Variants in FMN2 observed in about 807,000 individuals in gnomAD.
FMN2 encodes formin-2.
A neutral mutation model predicts 142.3 loss-of-function variants in FMN2; 51 were observed. The ratio of observed to expected loss-of-function variants is 0.36; its 90% CI spans 0.29 to 0.45. The LOEUF (loss-of-function observed/expected upper bound fraction) is 0.45, where lower values mean the gene tolerates loss of function less well. Among genes scored for constraint, FMN2 ranks in the 20% least tolerant of loss-of-function variants. The probability of loss-of-function intolerance (pLI) is 1.00; values close to 1 mark genes in which losing one functional copy is unlikely to be tolerated. For missense variants in FMN2, 1,936 were observed against 2,122.8 expected (o/e 0.91, Z 1.73); for synonymous variants, 882 against 869.8 (o/e 1.01, Z -0.25).
At position 240,195,857 on chromosome 1, in the gene FMN2, A is replaced by G. The variant is rs561838085; in HGVS notation, c.1986+7595A>G. Reference sequence around the variant, plus strand: ...ACATAGGGAGACCCTGTCTCTACCAATAATAATAAAAAAAACAGCTGGCCA... The same window carrying G: ...ACATAGGGAGACCCTGTCTCTACCAGTAATAATAAAAAAAACAGCTGGCCA... On this transcript the variant is annotated intron_variant, in intron 4 of 17. Coordinates refer to ENST00000319653, the MANE Select transcript of FMN2 (RefSeq NM_020066.5). Among the ~76,000 whole-genome samples, 8 of 152,184 alleles carry G rather than the reference A, an allele frequency of 5.3e-5. No individual in the cohort carries two copies. In the South Asian group the frequency reaches 1.7e-3, roughly 32 times the overall value.
intron 6 of FMN2, among the ~76,000 whole-genome samples, chr1:240,239,332 AAAAATGCT>A (rs1254712763): frequency 2.6e-5 from 4 of 151,702 alleles, no homozygotes; most frequent in Non-Finnish European, 5.9e-5. Context: ...TAAAGAAAGG[AAAAATGCT>A]AAATATATGA....
intron 7 of FMN2, among the ~76,000 whole-genome samples, chr1:240,292,206 C>T (rs55927710): frequency 0.14 from 21,598 of 152,094 alleles, 1,696 homozygotes; most frequent in African/African-American, 0.21. Context: ...TCCTCCGAAA[C>T]AAGGCTGAAA....
chr1:240,375,120 C>G (rs542808430), intron 14 of FMN2, among the ~76,000 whole-genome samples: 7 of 152,100 alleles, frequency 4.6e-5, no homozygotes, highest in Non-Finnish European at 8.8e-5. Context: ...AGAACACGAA[C>G]AGTATTTATT....
At chr1:240,135,520 G>A (rs1023989542) in intron 2 of FMN2, among the ~76,000 whole-genome samples, 1 of 151,978 alleles carries the variant, frequency 6.6e-6, no homozygotes, top group Non-Finnish European at 1.5e-5. Flanking sequence ...CCTCGTATGG[G>A]GAACTTTTCT....
At chr1:240,135,521 G>T (rs1662900346) in intron 2 of FMN2, among the ~76,000 whole-genome samples, 1 of 152,092 alleles carries the variant, frequency 6.6e-6, no homozygotes, top group South Asian at 2.1e-4. Flanking sequence ...CTCGTATGGG[G>T]AACTTTTCTT....
Position 240,093,033 on chromosome 1 carries a change from G to A in FMN2, c.924G>A (p.Pro308=). Residue 308 remains proline (P), a synonymous_variant, in exon 1 of 18, where the codon CCG becomes CCA. Transcript: ENST00000319653. ...CGGTCTCCGAGGCGCCCAGTCTCCC[G>A]GCAGCGCAACCCGCGGCCAAAGACT... ...GLPVSEAPSL[P]AAQPAAKDSP... The A allele has an allele frequency of 7.2e-7, 1 of 1,394,606 alleles. No homozygotes were observed. The highest frequency in any genetic ancestry group is 9.2e-7 in the Non-Finnish European group (1 of 1,082,848). The allele number at this position is 1,394,606 out of a possible 1,614,324, so 86.4% of individuals were successfully genotyped here.
Position 240,166,896 on chromosome 1 carries a change from C to T in FMN2, c.1783-11025C>T, listed in dbSNP as rs539783508. ...CAGAACTTTGGGAGGCCGAGGCAGG[C>T]GGATAACCTGAGGTCAGGAGTTCAA... On this transcript the variant is annotated intron_variant, in intron 2 of 17. Coordinates refer to ENST00000319653, the MANE Select transcript of FMN2 (RefSeq NM_020066.5). Among the ~76,000 whole-genome samples the T allele has an allele frequency of 9.2e-5, 14 of 152,180 alleles. No individual in the cohort carries two copies. The South Asian group carries it at 1.5e-3, about 16-fold the overall frequency.
chr1:240,267,738 A>C (rs1266297142), intron 7 of FMN2, among the ~76,000 whole-genome samples: 1 of 152,088 alleles, frequency 6.6e-6, no homozygotes, highest in East Asian at 1.9e-4. Context: ...TTCATATGGC[A>C]TATTTCTGGT....
At chr1:240,197,758 A>G (rs1300798774) in intron 4 of FMN2, among the ~76,000 whole-genome samples, 1 of 143,542 alleles carries the variant, frequency 7.0e-6, no homozygotes, top group Non-Finnish European at 1.5e-5. Flanking sequence ...GAACCTGGGT[A>G]CCTCCCAGGT....
At chr1:240,245,792 C>G (rs1270363121) in intron 6 of FMN2, among the ~76,000 whole-genome samples, 1 of 152,114 alleles carries the variant, frequency 6.6e-6, no homozygotes, top group Non-Finnish European at 1.5e-5. Context: ...GATTCATTCC[C>G]CAGGCCTTCT....
intron 14 of FMN2, among the ~76,000 whole-genome samples, chr1:240,369,736 T>A (rs1018832004): frequency 7.9e-5 from 12 of 152,224 alleles, no homozygotes; most frequent in Non-Finnish European, 2.9e-5. Context: ...TTTTGCTTCT[T>A]TGTTTCTAAT....
intron 6 of FMN2, among the ~76,000 whole-genome samples, chr1:240,256,923 A>G (rs892534712): frequency 3.9e-5 from 6 of 152,196 alleles, no homozygotes; most frequent in East Asian, 3.8e-4. Context: ...ACAGTTGGGT[A>G]TGATTATTTT....
intron 14 of FMN2, among the ~76,000 whole-genome samples, chr1:240,366,042 A>G (rs1354890370): frequency 1.3e-5 from 2 of 152,222 alleles, no homozygotes; most frequent in African/African-American, 2.4e-5. Context: ...TGAAACAAGA[A>G]GGCAGAGTGT....
chr1:240,182,965 G>T (rs1024083153), intron 3 of FMN2, among the ~76,000 whole-genome samples: 1 of 150,536 alleles, frequency 6.6e-6, no homozygotes, highest in South Asian at 2.1e-4. Flanking sequence ...CACCCAGGCT[G>T]GTGTATGGTG....
chr1:240,188,961 A>G (rs1431491361), intron 4 of FMN2, among the ~76,000 whole-genome samples: 1 of 152,120 alleles, frequency 6.6e-6, no homozygotes, highest in Non-Finnish European at 1.5e-5. Flanking sequence ...AGACCCATTC[A>G]CTATCATGAG....
chr1:240,128,289 A>G (rs1292608783), intron 2 of FMN2, among the ~76,000 whole-genome samples: 1 of 151,988 alleles, frequency 6.6e-6, no homozygotes, highest in Non-Finnish European at 1.5e-5. Flanking sequence ...TCATATGCAT[A>G]TTTTCCAGCC....
chr1:240,251,259 T>C (rs1161847711), intron 6 of FMN2, among the ~76,000 whole-genome samples: 1 of 152,086 alleles, frequency 6.6e-6, no homozygotes, highest in Non-Finnish European at 1.5e-5. Flanking sequence ...TCATAGGTTT[T>C]GGTGTTTTGT....
chr1:240,410,261 A>T (rs1360355720), intron 15 of FMN2, among the ~76,000 whole-genome samples: 1 of 152,206 alleles, frequency 6.6e-6, no homozygotes, highest in Non-Finnish European at 1.5e-5. Flanking sequence ...TTTTAATTCC[A>T]TCCAAAAATA....
intron 7 of FMN2, among the ~76,000 whole-genome samples, chr1:240,278,882 G>T (rs900648000): frequency 2.0e-5 from 3 of 152,106 alleles, no homozygotes; most frequent in Non-Finnish European, 4.4e-5. Context: ...GCAGATTTTT[G>T]TAATGATGGA....
Sources: allele counts gnomAD v4.1 joint callset (sites outside exome capture counted in the v4.1 genomes callset), GRCh38; gene constraint gnomAD v4.1.1; transcripts MANE v1.5; gene names NCBI Gene and HGNC (gene_info 2026-07-23, HGNC 2026-07-21).